The following CADPS2 variants were observed in gnomAD, a reference collection of about 807,000 sequenced individuals.
CADPS2 encodes calcium dependent secretion activator 2.
CADPS2 carries 93 observed loss-of-function variants against 172.5 expected under a neutral mutation model. The ratio of observed to expected loss-of-function variants is 0.54; its 90% CI spans 0.46 to 0.64. CADPS2 has a LOEUF of 0.64. CADPS2 is among the 30% of genes least tolerant of loss of function. The pLI, the probability that CADPS2 is intolerant of heterozygous loss-of-function variation, is 0.00. For missense variants in CADPS2, 1,420 were observed against 1,565.9 expected, an observed-to-expected ratio of 0.91 and a Z score of 1.57; for synonymous variants, 546 against 555.2, an observed-to-expected ratio of 0.98 and a Z score of 0.23.
intron 6 of CADPS2, among the ~76,000 whole-genome samples, chr7:122,585,303 T>C (rs762034494): frequency 6.6e-6 from 1 of 151,768 alleles, no homozygotes; most frequent in Non-Finnish European, 1.5e-5. Context: ...ATAAAGAAAA[T>C]ATAAATCCCA....
intron 1 of CADPS2, among the ~76,000 whole-genome samples, chr7:122,794,236 C>T (rs893435525): frequency 4.0e-5 from 6 of 151,678 alleles, no homozygotes; most frequent in Non-Finnish European, 5.9e-5. Context: ...TTTGGGGACA[C>T]CAATGAGTCA....
At chr7:122,668,051 GACA>G (rs529518677) in intron 2 of CADPS2, among the ~76,000 whole-genome samples, 2 of 152,234 alleles carry the variant, frequency 1.3e-5, no homozygotes, top group East Asian at 3.9e-4. Context: ...ACCAAGGGTA[GACA>G]ACAAGTGACC....
At chr7:122,450,957 T>A (rs2053013171) in intron 15 of CADPS2, among the ~76,000 whole-genome samples, 1 of 152,100 alleles carries the variant, frequency 6.6e-6, no homozygotes, top group Admixed American at 6.6e-5. Context: ...AAGACAATAC[T>A]ACAGACAATA....
chr7:122,468,979 T>C (rs1218860700), intron 14 of CADPS2, among the ~76,000 whole-genome samples: 4 of 152,224 alleles, frequency 2.6e-5, no homozygotes, highest in African/African-American at 7.2e-5. Context: ...CAGAGATACC[T>C]GAATGTGTAC....
chr7:122,478,268 T>C (rs1563453531), intron 12 of CADPS2, among the ~76,000 whole-genome samples: 1 of 152,222 alleles, frequency 6.6e-6, no homozygotes, highest in African/African-American at 2.4e-5. Flanking sequence ...TCTCTGATAA[T>C]GGAAAATTTT....
intron 1 of CADPS2, among the ~76,000 whole-genome samples, chr7:122,789,130 C>T (rs1794712374): frequency 1.3e-5 from 2 of 152,066 alleles, no homozygotes; most frequent in Admixed American, 6.6e-5. Context: ...ACTGATTACC[C>T]CTAGGAGGCA....
At chr7:122,674,385 C>T (rs556697085) in intron 2 of CADPS2, among the ~76,000 whole-genome samples, 6 of 152,308 alleles carry the variant, frequency 3.9e-5, no homozygotes, top group African/African-American at 1.4e-4. Context: ...TCACCTTTCA[C>T]TATGTATGTC....
At chr7:122,706,766 A>ATG (rs1243309290) in intron 2 of CADPS2, among the ~76,000 whole-genome samples, 5 of 148,486 alleles carry the variant, frequency 3.4e-5, no homozygotes, top group African/African-American at 1.2e-4. Context: ...TATATATAAA[A>ATG]TGTATGTGTG....
At chr7:122,639,864 G>A (rs2077426385) in intron 3 of CADPS2, among the ~76,000 whole-genome samples, 1 of 152,050 alleles carries the variant, frequency 6.6e-6, no homozygotes, top group African/African-American at 2.4e-5. Context: ...TCACTGCCTG[G>A]ATGCTCTCCT....
At chr7:122,367,252 A>G (rs1269834468) in intron 25 of CADPS2, among the ~76,000 whole-genome samples, 1 of 152,180 alleles carries the variant, frequency 6.6e-6, no homozygotes, top group African/African-American at 2.4e-5. Context: ...TATTCTTAAG[A>G]GAAATCCAGG....
chr7:122,782,493 C>T (rs1337483938), intron 1 of CADPS2, among the ~76,000 whole-genome samples: 2 of 152,106 alleles, frequency 1.3e-5, no homozygotes, highest in African/African-American at 4.8e-5. Flanking sequence ...TGTCTGCGGT[C>T]CCAGCTACTC....
intron 3 of CADPS2, among the ~76,000 whole-genome samples, chr7:122,657,064 G>T (rs2079889841): frequency 6.6e-6 from 1 of 152,124 alleles, no homozygotes. Flanking sequence ...ATTAAATAGG[G>T]AATCCTTTCC....
At chr7:122,720,688 A>C (rs1196723487) in intron 2 of CADPS2, among the ~76,000 whole-genome samples, 1 of 151,844 alleles carries the variant, frequency 6.6e-6, no homozygotes, top group Non-Finnish European at 1.5e-5. Flanking sequence ...ATCTTTTAAT[A>C]TACCCCTAAA....
intron 3 of CADPS2, among the ~76,000 whole-genome samples, chr7:122,652,252 C>CAT (rs201036877): frequency 8.0e-4 from 122 of 151,564 alleles, no homozygotes; most frequent in Middle Eastern, 3.4e-3. Context: ...TCTCTCTCTA[C>CAT]ATATATATAT....
At chr7:122,345,329 G>A (rs1480491729) in intron 28 of CADPS2, among the ~76,000 whole-genome samples, 1 of 151,976 alleles carries the variant, frequency 6.6e-6, no homozygotes, top group Non-Finnish European at 1.5e-5. Context: ...GTAGAGACGG[G>A]GTTTCGCCAT....
rs370311745 is a variant in CADPS2 at position 122,838,457 on chromosome 7, G to C, written c.339+47542C>G. ...AATTAGGCAGGAGGAAGAAAGAAAG[G>C]GTACTCAATTAGGAAAAGGGAAGTC... On this transcript the variant is annotated intron_variant, in intron 1 of 29. Coordinates refer to ENST00000449022, the MANE Select transcript of CADPS2 (RefSeq NM_017954.11). 2.6e-5 allele frequency among the ~76,000 whole-genome samples: 4 copies of C among 152,160 alleles called. No individual in the cohort carries two copies. In the South Asian group the frequency reaches 8.3e-4, roughly 32 times the overall value.
At chr7:122,651,565 T>C (rs976122256) in intron 3 of CADPS2, among the ~76,000 whole-genome samples, 6 of 152,176 alleles carry the variant, frequency 3.9e-5, no homozygotes, top group African/African-American at 1.4e-4. Flanking sequence ...GCTTATCCCT[T>C]ACAAATACCC....
intron 1 of CADPS2, among the ~76,000 whole-genome samples, chr7:122,878,081 C>T (rs898833094): frequency 6.6e-6 from 1 of 151,178 alleles, no homozygotes; most frequent in Non-Finnish European, 1.5e-5. Flanking sequence ...CATGGTGAAA[C>T]CCCGTCTTTA....
At position 122,690,001 on chromosome 7, in the gene CADPS2, C is replaced by G. The variant is rs528781292; in HGVS notation, c.454-26432G>C. Among the ~76,000 whole-genome samples the G allele has an allele frequency of 4.6e-5, 7 of 152,300 alleles. No individual in the cohort carries two copies. The East Asian group carries it at 9.7e-4, about 21-fold the overall frequency. On this transcript the variant is annotated intron_variant, in intron 2 of 29. Transcript: ENST00000449022. ...CTGTCCACGAGGCCTGGACAGTGTG[C>G]AGTTCTGCACAGAAGCTGGATGCAC...
Sources: allele counts gnomAD v4.1 joint callset (sites outside exome capture counted in the v4.1 genomes callset), GRCh38; gene constraint gnomAD v4.1.1; transcripts MANE v1.5; gene names NCBI Gene and HGNC (gene_info 2026-07-23, HGNC 2026-07-21).